The following WDFY3 variants were observed in gnomAD, a reference collection of about 807,000 sequenced individuals.
The protein encoded by WDFY3 is WD repeat and FYVE domain containing 3.
In WDFY3, 66 loss-of-function variants were observed where a neutral mutation model predicts 409.6. The ratio of observed to expected loss-of-function variants is 0.16; its 90% CI spans 0.13 to 0.20. The LOEUF (loss-of-function observed/expected upper bound fraction) is 0.20. Among genes scored for constraint, WDFY3 ranks in the 10% least tolerant of loss-of-function variants. The probability of loss-of-function intolerance (pLI) is 1.00; values close to 1 mark genes in which losing one functional copy is unlikely to be tolerated. For missense variants in WDFY3, 3,031 were observed against 4,298.1 expected (o/e 0.71, Z 8.24); for synonymous variants, 1,521 against 1,537.1 (o/e 0.99, Z 0.25).
intron 10 of WDFY3, among the ~76,000 whole-genome samples, chr4:84,826,337 G>T (rs546391329): frequency 1.3e-5 from 2 of 152,256 alleles, no homozygotes; most frequent in South Asian, 4.2e-4. Flanking sequence ...AGACGTGTAG[G>T]TTATATGCAA....
At chr4:84,870,394 A>T (rs549918396) in intron 3 of WDFY3, among the ~76,000 whole-genome samples, 1 of 152,292 alleles carries the variant, frequency 6.6e-6, no homozygotes, top group East Asian at 1.9e-4. Context: ...CCTGGATAAG[A>T]AGTCTCTGCA....
rs1173833299 is a variant in WDFY3, at chr4:84,672,602, T to C, written c.*266A>G. On this transcript the variant is annotated 3_prime_UTR_variant, in exon 68 of 68. Coordinates refer to ENST00000295888, the MANE Select transcript of WDFY3 (RefSeq NM_014991.6). Reference sequence around the variant, plus strand: ...TGAGGATTTTTCTCTTGGAGACAGCTACTGTCATCAGGGAGAACTGGAGGT... The same window carrying C: ...TGAGGATTTTTCTCTTGGAGACAGCCACTGTCATCAGGGAGAACTGGAGGT... 3.7e-6 allele frequency: 1 copy of C among 271,194 alleles called. No individual in the cohort carries two copies. The highest frequency in any genetic ancestry group is 2.2e-5 in the African/African-American group (1 of 45,632). 16.8% of individuals were successfully genotyped at this position (271,194 alleles called of 1,614,324 possible). A position where few individuals can be genotyped will look rare whatever the true frequency, so the allele number is the denominator to read the frequency against.
At chr4:84,699,000 T>G (rs1730621308) in intron 56 of WDFY3, among the ~76,000 whole-genome samples, 1 of 152,088 alleles carries the variant, frequency 6.6e-6, no homozygotes, top group South Asian at 2.1e-4. Context: ...AAGTGTGTTT[T>G]CTTTTACACC....
chr4:84,826,506 A>C (rs1025352000), intron 10 of WDFY3, among the ~76,000 whole-genome samples: 3 of 152,236 alleles, frequency 2.0e-5, no homozygotes, highest in Non-Finnish European at 4.4e-5. Flanking sequence ...GTAAAGTAGA[A>C]ATGCACGAAG....
chr4:84,887,404 G>A (rs895053400), intron 3 of WDFY3, among the ~76,000 whole-genome samples: 2 of 152,118 alleles, frequency 1.3e-5, no homozygotes, highest in Non-Finnish European at 2.9e-5. Context: ...CTTGGTTTCT[G>A]CCCATTGGCT....
intron 5 of WDFY3, 107 bp downstream of exon 5, chr4:84,849,795 C>T: frequency 1.4e-6 from 2 of 1,460,610 alleles, no homozygotes; most frequent in Non-Finnish European, 1.9e-6. Flanking sequence ...TAAATGAACT[C>T]AATGTGCTGA....
At chr4:84,918,824 T>TAG (rs1404303545) in intron 2 of WDFY3, among the ~76,000 whole-genome samples, 3 of 124,474 alleles carry the variant, frequency 2.4e-5, no homozygotes, top group Admixed American at 8.5e-5. Flanking sequence ...TGTATATATA[T>TAG]ATAGATATAT....
chr4:84,882,416 G>A (rs555084302), intron 3 of WDFY3, among the ~76,000 whole-genome samples: 31 of 152,222 alleles, frequency 2.0e-4, no homozygotes, highest in African/African-American at 7.0e-4. Flanking sequence ...GATGCTTAAC[G>A]AATAGACGGA....
intron 4 of WDFY3, among the ~76,000 whole-genome samples, chr4:84,851,337 G>A (rs1758980392): frequency 6.6e-6 from 1 of 151,852 alleles, no homozygotes; most frequent in African/African-American, 2.4e-5. Context: ...ATTACCTATT[G>A]AAATGTCACT....
At chr4:84,681,029 G>A (rs1727260666) in intron 64 of WDFY3, among the ~76,000 whole-genome samples, 1 of 152,126 alleles carries the variant, frequency 6.6e-6, no homozygotes, top group South Asian at 2.1e-4. Flanking sequence ...TCACCCCAAC[G>A]GCTTATGATC....
intron 2 of WDFY3, among the ~76,000 whole-genome samples, chr4:84,912,607 T>C (rs1767935837): frequency 1.3e-5 from 2 of 151,936 alleles, no homozygotes; most frequent in South Asian, 4.2e-4. Context: ...AGGTATGGCA[T>C]AAAAATGTCA....
chr4:84,897,862 T>C (rs1229787635), intron 2 of WDFY3, among the ~76,000 whole-genome samples: 1 of 152,192 alleles, frequency 6.6e-6, no homozygotes, highest in African/African-American at 2.4e-5. Flanking sequence ...CGCCTTTAAA[T>C]CTTCCTGAAT....
intron 25 of WDFY3, among the ~76,000 whole-genome samples, 186 bp from the exon 26 acceptor site, chr4:84,780,484 C>A (rs995343350): frequency 6.6e-6 from 1 of 152,084 alleles, no homozygotes; most frequent in Admixed American, 6.6e-5. Context: ...GCTGGCTGGG[C>A]ACGGTGGCTC....
chr4:84,747,204 T>C lies in WDFY3; in HGVS notation c.5974-3405A>G, dbSNP rs1299230949. ...AAGGTCTTGGGGACACTACCCAGGA[T>C]CTTTGTGTCCCACACACAGGCCAGA... On this transcript the variant is annotated intron_variant, in intron 36 of 67. Transcript: ENST00000295888. 1.3e-5 allele frequency among the ~76,000 whole-genome samples: 2 copies of C among 152,162 alleles called. 1 individual carries two copies. Among genetic ancestry groups the C allele is most frequent in the Admixed American group, 1.3e-4 (2 of 15,284 alleles).
chr4:84,691,714 G>T lies in WDFY3; in HGVS notation c.9121C>A (p.Leu3041Ile), dbSNP rs1246653883. The change falls in exon 60 of 68, where the codon CTT becomes ATT. Residue 3041 changes from leucine (L) to isoleucine (I), a missense_variant. Physicochemically the swap from Leu to Ile is conservative, Grantham distance 5 (BLOSUM62 2). Around this residue, in one of 16 missense-constraint regions of WDFY3, gnomAD observed 152 missense variants for 193.5 expected, o/e 0.79. Transcript: ENST00000295888. ...GTTTTATTCCAGGTTGGTGGGATAAGAACCTTATTCTGTTCCACCGCAAGA... is the reference window on the plus strand; with the variant it reads ...GTTTTATTCCAGGTTGGTGGGATAATAACCTTATTCTGTTCCACCGCAAGA... The part of the protein sequence containing the change: ...GILAVEQNKV[L>I]IPPTWNKTFA... The T allele has an allele frequency of 1.9e-6, 3 of 1,614,094 alleles. No homozygotes were observed. Among genetic ancestry groups the T allele is most frequent in the Non-Finnish European group, 1.7e-6 (2 of 1,179,962 alleles).
chr4:84,939,988 T>C (rs1446561547), intron 1 of WDFY3, among the ~76,000 whole-genome samples: 10 of 152,184 alleles, frequency 6.6e-5, no homozygotes, highest in African/African-American at 2.4e-4. Context: ...TGCAATTACA[T>C]GTACATATAT....
intron 8 of WDFY3, among the ~76,000 whole-genome samples, chr4:84,830,514 A>T (rs1755552796): frequency 6.6e-6 from 1 of 152,202 alleles, no homozygotes; most frequent in South Asian, 2.1e-4. Flanking sequence ...ACTATTTTCA[A>T]ATTATGATGG....
chr4:84,717,879 T>A (rs1734201390), intron 48 of WDFY3, among the ~76,000 whole-genome samples: 1 of 151,806 alleles, frequency 6.6e-6, no homozygotes, highest in Non-Finnish European at 1.5e-5. Context: ...AAACTCTGTC[T>A]CTACTAAAAA....
At chr4:84,944,294 G>T (rs1561131178) in intron 1 of WDFY3, among the ~76,000 whole-genome samples, 1 of 151,456 alleles carries the variant, frequency 6.6e-6, no homozygotes, top group South Asian at 2.1e-4. Flanking sequence ...GGAGGCTGAG[G>T]GGGATGGATC....
Sources: allele counts gnomAD v4.1 joint callset (sites outside exome capture counted in the v4.1 genomes callset), GRCh38; gene constraint gnomAD v4.1.1; regional missense constraint gnomAD v4.1.1; transcripts MANE v1.5; gene names NCBI Gene and HGNC (gene_info 2026-07-23, HGNC 2026-07-21).